Variants in DYNC2H1 observed in about 807,000 individuals in gnomAD.
DYNC2H1 encodes dynein cytoplasmic 2 heavy chain 1.
A neutral mutation model predicts 570.0 loss-of-function variants in DYNC2H1; 410 were observed. That is an observed-to-expected ratio of 0.72 (90% CI 0.66 to 0.78). DYNC2H1 has a LOEUF of 0.78. DYNC2H1 is among the 30% of genes least tolerant of loss of function. The probability of loss-of-function intolerance (pLI) is 0.00; values close to 1 mark genes in which losing one functional copy is unlikely to be tolerated. For missense variants in DYNC2H1, 4,865 were observed against 5,046.4 expected (o/e 0.96, Z 1.09); for synonymous variants, 1,688 against 1,677.6 (o/e 1.01, Z -0.15).
At chr11:103,385,207 A>G (rs781312123) in intron 83 of DYNC2H1, among the ~76,000 whole-genome samples, 8 of 151,990 alleles carry the variant, frequency 5.3e-5, no homozygotes, top group Non-Finnish European at 1.0e-4. Flanking sequence ...TTGAATTTTC[A>G]TTAGTGGTGT....
At chr11:103,115,149 C>A in intron 3 of DYNC2H1, 28 bp from the exon 4 acceptor site, 1 of 1,526,528 alleles carries the variant, frequency 6.6e-7, no homozygotes, top group Non-Finnish European at 9.0e-7. Flanking sequence ...TATTCTATGC[C>A]ATTTTTTTCC....
intron 79 of DYNC2H1, among the ~76,000 whole-genome samples, chr11:103,312,359 A>C (rs1470451174): frequency 2.0e-5 from 3 of 147,704 alleles, no homozygotes; most frequent in African/African-American, 5.0e-5. Flanking sequence ...CAGCCTGGGC[A>C]ACAAGAGCAA....
rs1221455921 is a variant in DYNC2H1, at chr11:103,188,645, T to C, written c.7289T>C (p.Ile2430Thr). 2.5e-6 allele frequency: 4 copies of C among 1,592,708 alleles called. No homozygotes were observed. Among genetic ancestry groups the C allele is most frequent in the Non-Finnish European group, 3.4e-6 (4 of 1,168,262 alleles). ...ACTTCCATCGTTCGTCTTTGTTCTA[T>C]AGAGTATGTATCTTTGTGTTTCAGA... is the stretch of plus-strand genomic sequence containing the variant. ...RFTSIVRLCS[I>T]DYPEREQLQT... The change falls in exon 44 of 89, where the codon ATA becomes ACA. Residue 2430 changes from isoleucine (I) to threonine (T), a missense_variant. Ile to Thr is a moderately conservative substitution (Grantham distance 89). Coordinates refer to ENST00000375735, the MANE Select transcript of DYNC2H1 (RefSeq NM_001377.3).
chr11:103,197,489 C>T (rs1367444647), intron 47 of DYNC2H1, among the ~76,000 whole-genome samples: 1 of 151,898 alleles, frequency 6.6e-6, no homozygotes, highest in Non-Finnish European at 1.5e-5. Flanking sequence ...ACTCTCTTGC[C>T]CAGGCTGGAG....
intron 75 of DYNC2H1, among the ~76,000 whole-genome samples, chr11:103,301,554 T>C (rs1013902012): frequency 1.3e-5 from 2 of 151,966 alleles, no homozygotes; most frequent in African/African-American, 4.8e-5. Flanking sequence ...TTGTTAGCAA[T>C]TTAAACTTAG....
intron 83 of DYNC2H1, among the ~76,000 whole-genome samples, chr11:103,381,964 G>A (rs1017445187): frequency 6.6e-6 from 1 of 152,056 alleles, no homozygotes; most frequent in African/African-American, 2.4e-5. Flanking sequence ...GAAAAATTCA[G>A]TACGTTTGAA....
chr11:103,267,909 A>G (rs1865570500), intron 70 of DYNC2H1, among the ~76,000 whole-genome samples: 1 of 151,998 alleles, frequency 6.6e-6, no homozygotes, highest in East Asian at 1.9e-4. Context: ...TTCCATGAGT[A>G]TAAACATGTT....
chr11:103,232,937 C>T (rs1864072110), intron 60 of DYNC2H1, among the ~76,000 whole-genome samples: 1 of 151,868 alleles, frequency 6.6e-6, no homozygotes, highest in Non-Finnish European at 1.5e-5. Context: ...TATGCAGTTA[C>T]TGAGCACTTG....
At chr11:103,221,902 T>C (rs1359812475) in intron 57 of DYNC2H1, 128 bp from the exon 58 acceptor site, 1 of 928,228 alleles carries the variant, frequency 1.1e-6, no homozygotes, top group African/African-American at 1.7e-5. Context: ...AGCTTAAAGG[T>C]TTTAATACCA....
At chr11:103,160,805 T>C (rs980877718) in intron 28 of DYNC2H1, 127 bp from the exon 29 acceptor site, 3 of 467,816 alleles carry the variant, frequency 6.4e-6, no homozygotes, top group African/African-American at 6.1e-5. Context: ...ATATATTATG[T>C]GGTATACATT....
intron 21 of DYNC2H1, among the ~76,000 whole-genome samples, chr11:103,152,608 A>T (rs1000555555): frequency 6.6e-6 from 1 of 152,120 alleles, no homozygotes; most frequent in Non-Finnish European, 1.5e-5. Context: ...ATTTATTAGG[A>T]TATCAGTTTA....
chr11:103,109,593 G>T lies in DYNC2H1; in HGVS notation c.19G>T (p.Asp7Tyr). The T allele has an allele frequency of 6.2e-7, 1 of 1,613,904 alleles. No individual in the cohort carries two copies. Among genetic ancestry groups the T allele is most frequent in the Non-Finnish European group, 8.5e-7 (1 of 1,179,862 alleles). MANGTADVRKLFIFTTT... is the reference protein window; with the variant it reads MANGTAYVRKLFIFTTT... The stretch of plus-strand genomic sequence containing the variant: ...TCCAATCATGGCGAACGGGACTGCG[G>T]ACGTTCGGAAGCTCTTCATCTTCAC... Residue 7 changes from aspartate (D) to tyrosine (Y), a missense_variant, in exon 1 of 89, where the codon GAC becomes TAC. Asp to Tyr is a radical substitution (Grantham distance 160). This residue lies in a region of DYNC2H1 where 1,936 missense variants were observed against 1,962.1 expected (regional missense o/e 0.99). Coordinates refer to ENST00000375735, the MANE Select transcript of DYNC2H1 (RefSeq NM_001377.3).
chr11:103,177,578 A>G lies in DYNC2H1; in HGVS notation c.5897A>G (p.Tyr1966Cys), dbSNP rs999634291. The change falls in exon 38 of 89, where the codon TAT becomes TGT. Residue 1966 changes from tyrosine to cysteine, a missense_variant. By Grantham distance (194) the Tyr-to-Cys change is radical (BLOSUM62 -2). Coordinates refer to ENST00000375735, the MANE Select transcript of DYNC2H1 (RefSeq NM_001377.3). This position sits in a 1 kb window ranked among gnomAD's most constrained non-coding sequence, Gnocchi z 4.4. ...TAGATCAAAAAGGCTTTAGAATTGTATGAACAGTTATGCCAGAGGATGGGA... is the reference window on the plus strand; with the variant it reads ...TAGATCAAAAAGGCTTTAGAATTGTGTGAACAGTTATGCCAGAGGATGGGA... ...PNQIKKALEL[Y>C]EQLCQRMGVV... is the part of the protein sequence containing the mutation. The G allele has an allele frequency of 6.2e-7, 1 of 1,611,496 alleles. No individual in the cohort carries two copies. The highest frequency in any genetic ancestry group is 1.3e-5 in the African/African-American group (1 of 74,882).
chr11:103,349,633 T>G (rs976322975), intron 82 of DYNC2H1, among the ~76,000 whole-genome samples: 1 of 152,210 alleles, frequency 6.6e-6, no homozygotes, highest in African/African-American at 2.4e-5. Context: ...TGAAAACTGA[T>G]AGATTCACTG....
chr11:103,465,431 C>T lies in DYNC2H1; in HGVS notation c.12649-3158C>T, dbSNP rs1417451865. Among the ~76,000 whole-genome samples, 2 of 151,142 alleles carry T rather than the reference C, an allele frequency of 1.3e-5. No homozygotes were observed. The highest frequency in any genetic ancestry group is 2.9e-5 in the Non-Finnish European group (2 of 67,838). ...CAAATTTTAAAATTTAATGCAATTTCAACCAGTATCCCAAAGTGTGTTTTG... is the reference window on the plus strand; with the variant it reads ...CAAATTTTAAAATTTAATGCAATTTTAACCAGTATCCCAAAGTGTGTTTTG... On this transcript the variant is annotated intron_variant, in intron 87 of 88. Coordinates refer to ENST00000375735, the MANE Select transcript of DYNC2H1 (RefSeq NM_001377.3). The surrounding 1 kb of genome is among the most constrained non-coding windows in gnomAD (Gnocchi z 4.9).
intron 84 of DYNC2H1, among the ~76,000 whole-genome samples, chr11:103,424,585 T>G (rs955770105): frequency 4.6e-5 from 7 of 152,094 alleles, no homozygotes; most frequent in Admixed American, 2.0e-4. Context: ...AAATGATAAA[T>G]TTTTGTTATA....
rs1344062376 is a variant in DYNC2H1, at chr11:103,264,809, A to G, written c.10695+4832A>G. Reference sequence around the variant, plus strand: ...AAGCATTCCCTTTGAAAACCAGCACATGATAAGGATGCCCTCTCTCACAAC... The same window carrying G: ...AAGCATTCCCTTTGAAAACCAGCACGTGATAAGGATGCCCTCTCTCACAAC... On this transcript the variant is annotated intron_variant, in intron 70 of 88. Transcript: ENST00000375735. This position sits in a 1 kb window ranked among gnomAD's most constrained non-coding sequence, Gnocchi z 4.8. Among the ~76,000 whole-genome samples the G allele has an allele frequency of 6.6e-6, 1 of 152,216 alleles. No individual in the cohort carries two copies. Among genetic ancestry groups the G allele is most frequent in the Non-Finnish European group, 1.5e-5 (1 of 68,032 alleles).
At position 103,177,632 on chromosome 11, in the gene DYNC2H1, G is replaced by GA; in HGVS notation, c.5955dup (p.Ser1986IlefsTer13). On this transcript the variant is annotated frameshift_variant, in exon 38 of 89. Transcript: ENST00000375735. LOFTEE classifies it high-confidence loss of function. The surrounding 1 kb of genome is among the most constrained non-coding windows in gnomAD (Gnocchi z 4.4). ...GTTATTGTTGGTCCAAGTGGTGCTGGAAAATCAACGCTTTGGAGAATGTTA... is the reference window on the plus strand; with the variant it reads ...GTTATTGTTGGTCCAAGTGGTGCTGGAAAAATCAACGCTTTGGAGAATGTTA... The GA allele has an allele frequency of 6.2e-7, 1 of 1,613,332 alleles. No homozygotes were observed. The highest frequency in any genetic ancestry group is 1.1e-5 in the South Asian group (1 of 90,976).
chr11:103,399,223 A>G (rs776864176), intron 83 of DYNC2H1, among the ~76,000 whole-genome samples: 13 of 144,682 alleles, frequency 9.0e-5, no homozygotes, highest in Non-Finnish European at 1.8e-4. Context: ...GCTCACTGCA[A>G]CCTCCATCTC....
Sources: allele counts gnomAD v4.1 joint callset (sites outside exome capture counted in the v4.1 genomes callset), GRCh38; gene constraint gnomAD v4.1.1; regional missense constraint gnomAD v4.1.1; non-coding constraint Gnocchi (gnomAD v3.1); transcripts MANE v1.5; gene names NCBI Gene and HGNC (gene_info 2026-07-23, HGNC 2026-07-21).